STON2: variants seen among roughly 807,000 people sequenced by gnomAD.
STON2 encodes stonin-2.
Under a neutral mutation model 65.7 loss-of-function variants are expected in STON2, and 29 were observed. That is an observed-to-expected ratio of 0.44 (90% confidence interval 0.33 to 0.60). The LOEUF (loss-of-function observed/expected upper bound fraction) is 0.60. Among genes scored for constraint, STON2 ranks in the 20% least tolerant of loss-of-function variants. STON2 has a pLI of 0.03. For synonymous variants in STON2, 404 were observed against 414.2 expected (o/e 0.98, Z 0.30); for missense variants, 1,054 against 1,118.1 (o/e 0.94, Z 0.82).
upstream of STON2, among the ~76,000 whole-genome samples, chr14:81,402,337 A>G (rs1900649916): frequency 6.6e-6 from 1 of 152,168 alleles, no homozygotes; most frequent in African/African-American, 2.4e-5. Flanking sequence ...CCTGAGGGTC[A>G]AGGGAGAACA....
At position 81,277,671 on chromosome 14, in the gene STON2, T is replaced by G. The variant is rs1362966193; in HGVS notation, c.1811A>C (p.Asp604Ala). ...DFLSFIHAVQ[D>A]RLMDLPVLSM... The stretch of plus-strand genomic sequence containing the variant: ...CAACACTGGCAGATCCATGAGACGG[T>G]CCTGAACTGCATGGATGAAACTCAG... Residue 604 changes from aspartate (D) to alanine (A), a missense_variant, in exon 6 of 8, where the codon GAC becomes GCC. Physicochemically the swap from Asp to Ala is moderately radical, Grantham distance 126. Coordinates refer to ENST00000614646, the MANE Select transcript of STON2 (RefSeq NM_001394390.1). The G allele has an allele frequency of 6.2e-7, 1 of 1,614,158 alleles. No individual in the cohort carries two copies. Among genetic ancestry groups the G allele is most frequent in the Non-Finnish European group, 8.5e-7 (1 of 1,180,016 alleles).
At chr14:81,429,244 G>C (rs1353398183) in intron 1 of STON2, among the ~76,000 whole-genome samples, 1 of 152,176 alleles carries the variant, frequency 6.6e-6, no homozygotes, top group Non-Finnish European at 1.5e-5. Flanking sequence ...GATATGAAGT[G>C]ACTTAAGCTA....
At chr14:81,336,277 ACT>A (rs1897367658) in intron 4 of STON2, among the ~76,000 whole-genome samples, 2 of 152,062 alleles carry the variant, frequency 1.3e-5, no homozygotes, top group South Asian at 4.1e-4. Flanking sequence ...TCCTCAATAA[ACT>A]CTGTGAAGCG....
chr14:81,316,497 C>T (rs1896626722), intron 5 of STON2, among the ~76,000 whole-genome samples: 2 of 152,152 alleles, frequency 1.3e-5, no homozygotes, highest in South Asian at 4.1e-4. Context: ...ATGCTATACT[C>T]AGTAAGTAAT....
upstream of STON2, among the ~76,000 whole-genome samples, chr14:81,404,144 C>A (rs921318627): frequency 6.6e-6 from 1 of 152,154 alleles, no homozygotes; most frequent in Non-Finnish European, 1.5e-5. Context: ...AATTTAAACA[C>A]TATGTGTAAA....
At chr14:81,331,571 C>T (rs760011327) in intron 4 of STON2, among the ~76,000 whole-genome samples, 1 of 152,168 alleles carries the variant, frequency 6.6e-6, no homozygotes, top group African/African-American at 2.4e-5. Context: ...CCTCCCATAC[C>T]CTCATCCACT....
At chr14:81,426,107 T>C (rs755265840) in intron 2 of STON2, among the ~76,000 whole-genome samples, 25 of 152,242 alleles carry the variant, frequency 1.6e-4, no homozygotes, top group Non-Finnish European at 2.8e-4. Context: ...ACCTATGAGA[T>C]GGGCATTTTT....
chr14:81,347,877 A>T (rs1029739708), intron 4 of STON2, among the ~76,000 whole-genome samples: 2 of 144,756 alleles, frequency 1.4e-5, no homozygotes, highest in Non-Finnish European at 3.0e-5. Context: ...CCATTGCAGC[A>T]ACAGAGTAGG....
intron 3 of STON2, among the ~76,000 whole-genome samples, chr14:81,385,154 T>C (rs1435445133): frequency 3.3e-5 from 5 of 152,222 alleles, no homozygotes; most frequent in African/African-American, 1.2e-4. Flanking sequence ...GCTTGGGTGG[T>C]TTATTGTGTT....
At chr14:81,270,622 G>A in intron 7 of STON2, 48 bp downstream of exon 7, 4 of 1,614,172 alleles carry the variant, frequency 2.5e-6, no homozygotes, top group Non-Finnish European at 3.4e-6. Context: ...GGGTAGTGGG[G>A]TGAACAAATG....
intron 5 of STON2, among the ~76,000 whole-genome samples, chr14:81,298,413 A>AT (rs1895844120): frequency 3.1e-5 from 1 of 32,360 alleles, no homozygotes; most frequent in African/African-American, 9.9e-5. Context: ...ACTGCTTCAG[A>AT]TGGGGGGGGG....
At chr14:81,389,391 T>C (rs1899971249) in intron 3 of STON2, among the ~76,000 whole-genome samples, 1 of 152,226 alleles carries the variant, frequency 6.6e-6, no homozygotes, top group Admixed American at 6.5e-5. Context: ...CTAATTCCAT[T>C]TCATTCTTGC....
intron 4 of STON2, among the ~76,000 whole-genome samples, chr14:81,367,367 G>A (rs997729010): frequency 2.0e-5 from 3 of 152,006 alleles, no homozygotes; most frequent in Admixed American, 1.3e-4. Flanking sequence ...AGTAGAGACG[G>A]GGTTTCACCA....
chr14:81,410,785 A>G (rs1901117518), intron 2 of STON2, among the ~76,000 whole-genome samples: 1 of 152,240 alleles, frequency 6.6e-6, no homozygotes, highest in Admixed American at 6.5e-5. Flanking sequence ...AAAAGGGAGT[A>G]TAACAGTAAA....
At chr14:81,312,897 G>A (rs529057005) in intron 5 of STON2, among the ~76,000 whole-genome samples, 85 of 152,304 alleles carry the variant, frequency 5.6e-4, no homozygotes, top group African/African-American at 2.0e-3. Context: ...CAACGATGCC[G>A]GTAAGAATTC....
chr14:81,371,861 A>C (rs1899014661), intron 3 of STON2, among the ~76,000 whole-genome samples: 1 of 152,008 alleles, frequency 6.6e-6, no homozygotes. Context: ...CATTTCCTCC[A>C]TTTTTAGTGG....
At chr14:81,404,611 C>T (rs1339358549), upstream of STON2, among the ~76,000 whole-genome samples, 1 of 152,148 alleles carries the variant, frequency 6.6e-6, no homozygotes, top group Non-Finnish European at 1.5e-5. Context: ...CCATGTGATC[C>T]TCCCACCTCA....
Position 81,262,557 on chromosome 14 carries a change from C to CA in STON2, c.*5856dup. The CA allele has an allele frequency of 1.0e-6, 1 of 985,376 alleles. No individual in the cohort carries two copies. The highest frequency in any genetic ancestry group is 1.2e-6 in the Non-Finnish European group (1 of 829,884). 61.0% of individuals were successfully genotyped at this position (985,376 alleles called of 1,614,324 possible). ...GTCATCTCTCTAGATTTTACTTTTT[C>CA]ATATTGAAATTCTTTTTTTAGTCTA... On this transcript the variant is annotated 3_prime_UTR_variant, in exon 8 of 8. Coordinates refer to ENST00000614646, the MANE Select transcript of STON2 (RefSeq NM_001394390.1).
chr14:81,340,225 A>G (rs966313015), intron 4 of STON2, among the ~76,000 whole-genome samples: 2 of 152,210 alleles, frequency 1.3e-5, no homozygotes, highest in Non-Finnish European at 2.9e-5. Flanking sequence ...GAGTCCATGT[A>G]TACAAAATTC....
Sources: allele counts gnomAD v4.1 joint callset (sites outside exome capture counted in the v4.1 genomes callset), GRCh38; gene constraint gnomAD v4.1.1; transcripts MANE v1.5; gene names NCBI Gene and HGNC (gene_info 2026-07-23, HGNC 2026-07-21).